PCBP3: variants seen among roughly 807,000 people sequenced by gnomAD.
The protein encoded by PCBP3 is poly(rC)-binding protein 3.
A neutral mutation model predicts 52.7 loss-of-function variants in PCBP3; 25 were observed. That is an observed-to-expected ratio of 0.47 (90% CI 0.35 to 0.66). PCBP3 has a LOEUF of 0.66. Ranked by LOEUF, PCBP3 falls within the 30% of genes least tolerant of loss-of-function variation. The pLI, the probability that PCBP3 is intolerant of heterozygous loss-of-function variation, is 0.01. For missense variants in PCBP3, 391 were observed against 490.3 expected, an observed-to-expected ratio of 0.80 and a Z score of 1.91; for synonymous variants, 162 against 183.0, an observed-to-expected ratio of 0.89 and a Z score of 0.93.
chr21:45,681,645 T>C (rs1367025054), intron 2 of PCBP3, among the ~76,000 whole-genome samples: 1 of 152,234 alleles, frequency 6.6e-6, no homozygotes, highest in Non-Finnish European at 1.5e-5. Context: ...CTGAATTCCA[T>C]TTTTTAATAC....
intron 5 of PCBP3, among the ~76,000 whole-genome samples, chr21:45,892,756 C>T (rs1226281708): frequency 6.6e-6 from 1 of 152,178 alleles, no homozygotes; most frequent in African/African-American, 2.4e-5. Context: ...TGGACTGTCC[C>T]CACCCCCAGG....
intron 5 of PCBP3, among the ~76,000 whole-genome samples, chr21:45,865,797 C>T (rs539548503): frequency 5.3e-5 from 8 of 152,236 alleles, no homozygotes; most frequent in African/African-American, 1.7e-4. Flanking sequence ...TGCTTCTGCA[C>T]GGCCAGGACC....
chr21:45,862,139 C>T (rs940980514), intron 5 of PCBP3, among the ~76,000 whole-genome samples: 4 of 142,182 alleles, frequency 2.8e-5, no homozygotes, highest in African/African-American at 8.0e-5. Flanking sequence ...CTAATCACCT[C>T]CTGATACCAT....
At chr21:45,906,578 C>T (rs1373374225) in intron 9 of PCBP3, among the ~76,000 whole-genome samples, 1 of 152,130 alleles carries the variant, frequency 6.6e-6, no homozygotes, top group Non-Finnish European at 1.5e-5. Context: ...AGAGGCTCTG[C>T]CCCGGTCATT....
chr21:45,731,323 C>T (rs186298191), intron 2 of PCBP3, among the ~76,000 whole-genome samples: 5 of 152,290 alleles, frequency 3.3e-5, no homozygotes, highest in East Asian at 1.9e-4. Flanking sequence ...CCCTGAACAA[C>T]GCTGAAAACA....
At chr21:45,871,357 G>A (rs1026240657) in intron 5 of PCBP3, 4 of 161,272 alleles carry the variant, frequency 2.5e-5, no homozygotes, top group African/African-American at 4.8e-5. Context: ...CAGTGCCCTG[G>A]AGAGCTGGTG....
chr21:45,865,139 G>A (rs918435472), intron 5 of PCBP3, among the ~76,000 whole-genome samples: 8 of 152,082 alleles, frequency 5.3e-5, no homozygotes, highest in African/African-American at 9.7e-5. Flanking sequence ...CTTCTTTTAC[G>A]CTTGGGGAAA....
At chr21:45,701,312 G>C (rs1424919596) in intron 2 of PCBP3, among the ~76,000 whole-genome samples, 3 of 152,240 alleles carry the variant, frequency 2.0e-5, no homozygotes, top group Admixed American at 6.5e-5. Context: ...GGGTCTCCAT[G>C]GTTCTTCACC....
chr21:45,717,492 G>C (rs1008877624), intron 2 of PCBP3, among the ~76,000 whole-genome samples: 1 of 152,094 alleles, frequency 6.6e-6, no homozygotes, highest in Non-Finnish European at 1.5e-5. Context: ...CCATTATTAA[G>C]TTAATAAAGC....
At chr21:45,912,527 T>G (rs1326361088) in intron 11 of PCBP3, among the ~76,000 whole-genome samples, 1 of 152,126 alleles carries the variant, frequency 6.6e-6, no homozygotes, top group Non-Finnish European at 1.5e-5. Flanking sequence ...CAGGGTGCCA[T>G]GAGTCTGGGT....
chr21:45,652,025 A>T (rs2079717047), intron 1 of PCBP3, among the ~76,000 whole-genome samples: 1 of 152,310 alleles, frequency 6.6e-6, no homozygotes, highest in South Asian at 2.1e-4. Flanking sequence ...ATGTTTGGGG[A>T]AAAGCCTACA....
chr21:45,692,927 A>G (rs1191354047), intron 2 of PCBP3, among the ~76,000 whole-genome samples: 3 of 152,198 alleles, frequency 2.0e-5, no homozygotes, highest in Non-Finnish European at 4.4e-5. Flanking sequence ...ATAAAACATC[A>G]CAACCAAATG....
At chr21:45,671,475 G>A (rs2090876319) in intron 2 of PCBP3, among the ~76,000 whole-genome samples, 1 of 152,204 alleles carries the variant, frequency 6.6e-6, no homozygotes, top group South Asian at 2.1e-4. Context: ...TTTGGAAGGG[G>A]AGAATGGAAG....
intron 1 of PCBP3, among the ~76,000 whole-genome samples, chr21:45,665,172 C>A (rs539077026): frequency 6.6e-6 from 1 of 152,076 alleles, no homozygotes; most frequent in Non-Finnish European, 1.5e-5. Flanking sequence ...GAGGCCAAGG[C>A]AGGAGGATCA....
At chr21:45,798,317 GC>G (rs2092109203) in intron 4 of PCBP3, among the ~76,000 whole-genome samples, 1 of 68,354 alleles carries the variant, frequency 1.5e-5, no homozygotes, top group African/African-American at 5.3e-5. Context: ...GTGAATGTAT[GC>G]GTACATGGAT....
intron 4 of PCBP3, among the ~76,000 whole-genome samples, chr21:45,765,254 T>C (rs567414455): frequency 6.6e-6 from 1 of 152,200 alleles, no homozygotes; most frequent in South Asian, 2.1e-4. Context: ...ATATCTGTGC[T>C]GAGAGGAGAG....
At chr21:45,911,159 C>T in intron 11 of PCBP3, 129 bp downstream of exon 11, 2 of 1,063,748 alleles carry the variant, frequency 1.9e-6, no homozygotes, top group Non-Finnish European at 2.8e-6. Flanking sequence ...GGCTCCTGAC[C>T]CCAAGTCAGC....
At chr21:45,900,896 G>T in intron 8 of PCBP3, 101 bp from the exon 9 acceptor site, 1 of 805,708 alleles carries the variant, frequency 1.2e-6, no homozygotes. Context: ...TCAGCGGACA[G>T]AGGCATGTGT....
At chr21:45,790,912 A>G (rs2091494754) in intron 4 of PCBP3, among the ~76,000 whole-genome samples, 1 of 152,192 alleles carries the variant, frequency 6.6e-6, no homozygotes, top group Non-Finnish European at 1.5e-5. Flanking sequence ...ACAAAGGAAA[A>G]GAGAGTAGTA....
Sources: gnomAD v4.1 joint callset for allele counts (sites outside exome capture counted in the v4.1 genomes callset) on GRCh38, gnomAD v4.1.1 for gene constraint, MANE v1.5 for transcripts, NCBI Gene and HGNC (gene_info 2026-07-23, HGNC 2026-07-21) for gene names.